The following GLIS3 variants were observed in gnomAD, a reference collection of about 807,000 sequenced individuals.
GLIS3 encodes zinc finger protein GLIS3.
A neutral mutation model predicts 78.6 loss-of-function variants in GLIS3; 53 were observed. The observed-to-expected ratio is 0.67, with a 90% confidence interval of 0.54 to 0.85. The LOEUF (loss-of-function observed/expected upper bound fraction) is 0.85, where lower values mean the gene tolerates loss of function less well. Among genes scored for constraint, GLIS3 ranks in the 40% least tolerant of loss-of-function variants. The pLI, the probability that GLIS3 is intolerant of heterozygous loss-of-function variation, is 0.00. For synonymous variants in GLIS3, 684 were observed against 509.9 expected (o/e 1.34, Z -4.60); for missense variants, 1,703 against 1,231.1 (o/e 1.38, Z -5.74).
intron 2 of GLIS3, among the ~76,000 whole-genome samples, chr9:4,270,116 A>G (rs991502785): frequency 3.9e-5 from 6 of 152,214 alleles, no homozygotes; most frequent in Non-Finnish European, 7.3e-5. Flanking sequence ...ACTTCTCTGA[A>G]TACTGGTTTC....
chr9:4,368,338 GTT>G, the GLIS3 span, among the ~76,000 whole-genome samples: 151 of 135,122 alleles, frequency 1.1e-3, no homozygotes, highest in Non-Finnish European at 1.6e-3. Context: ...CAAGAACCCT[GTT>G]TTTTTTTTTT....
intron 4 of GLIS3, among the ~76,000 whole-genome samples, chr9:4,032,351 T>A (rs926086689): frequency 1.3e-5 from 2 of 152,180 alleles, no homozygotes; most frequent in African/African-American, 4.8e-5. Flanking sequence ...CTTAGCAGCG[T>A]AATCACCAAG....
At chr9:4,344,412 A>T (rs1817874765) in intron 2 of GLIS3, among the ~76,000 whole-genome samples, 1 of 152,172 alleles carries the variant, frequency 6.6e-6, no homozygotes, top group Admixed American at 6.5e-5. Context: ...TCCTTGAAAT[A>T]TTCTCTACTT....
intron 6 of GLIS3, among the ~76,000 whole-genome samples, chr9:3,904,235 G>A (rs529597139): frequency 6.6e-6 from 1 of 152,276 alleles, no homozygotes; most frequent in African/African-American, 2.4e-5. Flanking sequence ...AACATCTACA[G>A]TCAGTTGACT....
chr9:4,047,809 G>A (rs1026556767), intron 4 of GLIS3, among the ~76,000 whole-genome samples: 5 of 152,166 alleles, frequency 3.3e-5, no homozygotes, highest in Admixed American at 2.0e-4. Flanking sequence ...TGGCTCCAAA[G>A]CCAACATTCC....
intron 8 of GLIS3, among the ~76,000 whole-genome samples, chr9:3,863,445 G>A (rs1820365891): frequency 6.6e-6 from 1 of 152,240 alleles, no homozygotes. Flanking sequence ...CAGGACTGGG[G>A]CAGGGCAAGA....
intron 2 of GLIS3, among the ~76,000 whole-genome samples, chr9:4,140,311 G>A (rs1361136612): frequency 1.3e-5 from 2 of 152,154 alleles, no homozygotes; most frequent in East Asian, 1.9e-4. Flanking sequence ...GTGACAAAGT[G>A]AGACCCTGTC....
At chr9:4,120,576 G>A (rs1004472331) in intron 3 of GLIS3, among the ~76,000 whole-genome samples, 18 of 152,332 alleles carry the variant, frequency 1.2e-4, no homozygotes, top group African/African-American at 4.1e-4. Flanking sequence ...TGGATGTCAA[G>A]GGCCTTTTGG....
At chr9:3,986,639 C>G (rs933389341) in intron 4 of GLIS3, among the ~76,000 whole-genome samples, 2 of 152,228 alleles carry the variant, frequency 1.3e-5, no homozygotes, top group Non-Finnish European at 2.9e-5. Context: ...TCACCACAGG[C>G]CTCCTCCACT....
chr9:4,334,034 T>C (rs1268530305), intron 2 of GLIS3, among the ~76,000 whole-genome samples: 7 of 152,146 alleles, frequency 4.6e-5, no homozygotes, highest in Non-Finnish European at 1.5e-5. Flanking sequence ...AAGTGACCTC[T>C]TCATGAGGCA....
chr9:4,479,904 C>CTTTTTTTTTTTTTT, the GLIS3 span, among the ~76,000 whole-genome samples: 48 of 108,732 alleles, frequency 4.4e-4, no homozygotes, highest in Middle Eastern at 5.7e-3. Context: ...ATTTCTTCTT[C>CTTTTTTTTTTTTTT]TTTTTTTTTT....
intron 2 of GLIS3, among the ~76,000 whole-genome samples, chr9:4,210,110 T>G (rs958356726): frequency 6.6e-6 from 1 of 152,218 alleles, no homozygotes; most frequent in African/African-American, 2.4e-5. Context: ...ATTTACTGAA[T>G]AAAAGATGCT....
chr9:4,394,404 G>A, the GLIS3 span, among the ~76,000 whole-genome samples: 1 of 151,998 alleles, frequency 6.6e-6, no homozygotes, highest in Non-Finnish European at 1.5e-5. Flanking sequence ...GTGGTTGTGA[G>A]TCTTCATTCT....
intron 2 of GLIS3, among the ~76,000 whole-genome samples, chr9:4,140,203 A>C (rs1833705895): frequency 6.6e-6 from 1 of 152,148 alleles, no homozygotes; most frequent in African/African-American, 2.4e-5. Flanking sequence ...GCGTGCCTAT[A>C]ATCCCAGCTA....
At chr9:4,367,566 G>C in the GLIS3 span, among the ~76,000 whole-genome samples, 1 of 146,040 alleles carries the variant, frequency 6.8e-6, no homozygotes, top group African/African-American at 2.6e-5. Context: ...CCCGGAATGT[G>C]GAAGTAGCAG....
intron 6 of GLIS3, among the ~76,000 whole-genome samples, chr9:3,921,991 T>C (rs77747041): frequency 0.017 from 2,598 of 151,782 alleles, 29 homozygotes; most frequent in Non-Finnish European, 0.026. Flanking sequence ...GTTGGTTTTA[T>C]ATAGTCCTAA....
intron 2 of GLIS3, among the ~76,000 whole-genome samples, chr9:4,343,499 GT>G (rs1366514872): frequency 1.3e-5 from 2 of 152,222 alleles, no homozygotes; most frequent in Non-Finnish European, 2.9e-5. Flanking sequence ...GTGGAAAGCA[GT>G]TTGGCGATTA....
At chr9:4,440,480 A>G in the GLIS3 span, among the ~76,000 whole-genome samples, 2 of 152,338 alleles carry the variant, frequency 1.3e-5, no homozygotes, top group Non-Finnish European at 2.9e-5. Context: ...GATGAATATC[A>G]TCAGTTGGCT....
chr9:3,833,365 C>G (rs919221262), intron 9 of GLIS3, among the ~76,000 whole-genome samples: 34 of 152,276 alleles, frequency 2.2e-4, no homozygotes, highest in African/African-American at 7.9e-4. Flanking sequence ...TTAAAAAATT[C>G]CGTTAGGGTC....
Sources: allele counts gnomAD v4.1 joint callset (sites outside exome capture counted in the v4.1 genomes callset), GRCh38; gene constraint gnomAD v4.1.1; transcripts MANE v1.5; gene names NCBI Gene and HGNC (gene_info 2026-07-23, HGNC 2026-07-21).